Variants in SLC44A5 observed in about 807,000 individuals in gnomAD.
The protein encoded by SLC44A5 is choline transporter-like protein 5.
SLC44A5 carries 57 observed loss-of-function variants against 101.8 expected under a neutral mutation model. The observed-to-expected ratio is 0.56, with a 90% CI of 0.45 to 0.70. The LOEUF is 0.70. Among genes scored for constraint, SLC44A5 ranks in the 30% least tolerant of loss-of-function variants. The pLI is 0.00. For synonymous variants in SLC44A5, 281 were observed against 290.9 expected (o/e 0.97, Z 0.35); for missense variants, 737 against 853.1 (o/e 0.86, Z 1.70).
chr1:75,414,947 GA>G (rs914235728), intron 2 of SLC44A5, among the ~76,000 whole-genome samples: 1 of 152,092 alleles, frequency 6.6e-6, no homozygotes. Flanking sequence ...TTCTAAGCAT[GA>G]AAAAAATTGT....
the SLC44A5 span, among the ~76,000 whole-genome samples, chr1:75,721,244 TG>T: frequency 6.6e-6 from 1 of 152,100 alleles, no homozygotes; most frequent in Non-Finnish European, 1.5e-5. Flanking sequence ...TTCAGATAGT[TG>T]GGGGGAATTT....
intron 2 of SLC44A5, among the ~76,000 whole-genome samples, chr1:75,422,878 T>A (rs896306084): frequency 3.2e-4 from 48 of 152,236 alleles, no homozygotes; most frequent in Admixed American, 1.2e-3. Context: ...AGCTGCTTTC[T>A]ATTAGGTTGG....
the SLC44A5 span, among the ~76,000 whole-genome samples, chr1:75,722,156 T>C: frequency 6.6e-6 from 1 of 152,078 alleles, no homozygotes; most frequent in African/African-American, 2.4e-5. Context: ...CATATAAATA[T>C]ATAAATAAAT....
chr1:75,521,444 C>A (rs2101895841), intron 2 of SLC44A5: 1 of 152,262 alleles, frequency 6.6e-6, no homozygotes, highest in African/African-American at 2.4e-5. Flanking sequence ...ATGTGAATAT[C>A]TGTCTGACTT....
At chr1:75,385,029 AC>A (rs1211799520) in intron 3 of SLC44A5, among the ~76,000 whole-genome samples, 1 of 152,214 alleles carries the variant, frequency 6.6e-6, no homozygotes, top group Non-Finnish European at 1.5e-5. Context: ...GACACAACAT[AC>A]CAGAATCTCT....
intron 2 of SLC44A5, chr1:75,538,232 T>G (rs1038233865): frequency 6.6e-6 from 1 of 152,188 alleles, no homozygotes; most frequent in African/African-American, 2.4e-5. Flanking sequence ...TGTCTTTATC[T>G]TCATTTGTTA....
At chr1:75,522,692 G>A (rs753466045) in intron 2 of SLC44A5, among the ~76,000 whole-genome samples, 4 of 152,182 alleles carry the variant, frequency 2.6e-5, no homozygotes, top group African/African-American at 9.7e-5. Flanking sequence ...GATATGCAGC[G>A]CTCTACTTCT....
intron 4 of SLC44A5, among the ~76,000 whole-genome samples, chr1:75,314,184 TACA>T (rs1345456519): frequency 4.6e-5 from 7 of 152,212 alleles, no homozygotes; most frequent in Non-Finnish European, 8.8e-5. Flanking sequence ...TCCTTTCTAA[TACA>T]ACAACTGTTT....
chr1:75,649,355 A>G, the SLC44A5 span, among the ~76,000 whole-genome samples: 2 of 152,210 alleles, frequency 1.3e-5, no homozygotes, highest in Admixed American at 1.3e-4. Context: ...ATTTCTATTT[A>G]TTACTTAAAA....
At chr1:75,693,975 C>A in the SLC44A5 span, among the ~76,000 whole-genome samples, 1 of 151,238 alleles carries the variant, frequency 6.6e-6, no homozygotes, top group South Asian at 2.1e-4. Context: ...GGCATTAGGT[C>A]CATACAGTGT....
At chr1:75,213,095 C>T (rs555992822) in intron 22 of SLC44A5, among the ~76,000 whole-genome samples, 6 of 152,252 alleles carry the variant, frequency 3.9e-5, no homozygotes, top group African/African-American at 1.2e-4. Flanking sequence ...GCTGTAACTT[C>T]GGCATGGGTC....
chr1:75,362,994 G>T (rs946179084), intron 3 of SLC44A5, among the ~76,000 whole-genome samples: 1 of 151,910 alleles, frequency 6.6e-6, no homozygotes, highest in Admixed American at 6.6e-5. Flanking sequence ...TATATATTTA[G>T]GTTGGGTGCA....
intron 6 of SLC44A5, among the ~76,000 whole-genome samples, chr1:75,264,745 C>A (rs1650847294): frequency 6.6e-6 from 1 of 151,086 alleles, no homozygotes. Context: ...AAGAACAAAC[C>A]AACACAAAAT....
chr1:75,455,147 C>G (rs1244974275), intron 2 of SLC44A5, among the ~76,000 whole-genome samples: 2 of 151,994 alleles, frequency 1.3e-5, no homozygotes, highest in Admixed American at 1.3e-4. Context: ...GTAACCAAAA[C>G]AGCATGGTAC....
Position 75,461,649 on chromosome 1 carries a change from G to A in SLC44A5, c.14-65028C>T, listed in dbSNP as rs368252485. 3.9e-5 allele frequency among the ~76,000 whole-genome samples: 6 copies of A among 152,182 alleles called. No homozygotes were observed. The East Asian group carries it at 1.2e-3, about 29-fold the overall frequency. On this transcript the variant is annotated intron_variant, in intron 2 of 23. Coordinates refer to ENST00000370859, the MANE Select transcript of SLC44A5 (RefSeq NM_001130058.2). ...CAATAAAAATACAAAGCAAACCCTT[G>A]GATAGCATTTCTGAAACTGCTCTCG...
chr1:75,483,684 A>G (rs1440739992), intron 2 of SLC44A5, among the ~76,000 whole-genome samples: 1 of 152,204 alleles, frequency 6.6e-6, no homozygotes, highest in Non-Finnish European at 1.5e-5. Flanking sequence ...ATAAATTTTA[A>G]ACGAGGGTAT....
intron 4 of SLC44A5, among the ~76,000 whole-genome samples, chr1:75,314,145 T>C (rs1021553269): frequency 3.9e-5 from 6 of 152,218 alleles, no homozygotes; most frequent in Non-Finnish European, 8.8e-5. Flanking sequence ...GTCTTTATTG[T>C]TCTCCTCCTT....
At chr1:75,414,061 TC>T (rs1311855266) in intron 2 of SLC44A5, among the ~76,000 whole-genome samples, 1 of 152,150 alleles carries the variant, frequency 6.6e-6, no homozygotes, top group Non-Finnish European at 1.5e-5. Context: ...CAGTTTTTTT[TC>T]TTCCAGAGCT....
chr1:75,688,496 G>T, the SLC44A5 span, among the ~76,000 whole-genome samples: 1 of 152,040 alleles, frequency 6.6e-6, no homozygotes, highest in Admixed American at 6.6e-5. Context: ...TTCTTTATTG[G>T]CCATGCTGAA....
Sources: gnomAD v4.1 joint callset for allele counts (sites outside exome capture counted in the v4.1 genomes callset) on GRCh38, gnomAD v4.1.1 for gene constraint, MANE v1.5 for transcripts, NCBI Gene and HGNC (gene_info 2026-07-23, HGNC 2026-07-21) for gene names.